The following SAMD3 variants were observed in gnomAD, a reference collection of about 807,000 sequenced individuals.
SAMD3 encodes the protein sterile alpha motif domain-containing protein 3.
Under a neutral mutation model 58.5 loss-of-function variants are expected in SAMD3, and 63 were observed. The ratio of observed to expected loss-of-function variants is 1.08; its 90% CI spans 0.88 to 1.33. The LOEUF (loss-of-function observed/expected upper bound fraction) is 1.33, where lower values mean the gene tolerates loss of function less well. Among genes scored for constraint, SAMD3 ranks in the 40% most tolerant of loss-of-function variants. The pLI is 0.00. For synonymous variants in SAMD3, 220 were observed against 210.3 expected (o/e 1.05, Z -0.40); for missense variants, 604 against 608.4 (o/e 0.99, Z 0.08).
At chr6:130,334,041 G>C (rs1413653800) in intron 1 of SAMD3, among the ~76,000 whole-genome samples, 1 of 152,128 alleles carries the variant, frequency 6.6e-6, no homozygotes, top group Non-Finnish European at 1.5e-5. Context: ...TCCTCCCTCT[G>C]TTGACCTCAA....
At chr6:130,296,542 T>G (rs1775576174) in intron 2 of SAMD3, among the ~76,000 whole-genome samples, 1 of 152,156 alleles carries the variant, frequency 6.6e-6, no homozygotes, top group South Asian at 2.1e-4. Context: ...GGATGCAACT[T>G]CCCACCGGGG....
chr6:130,340,897 T>G (rs1273829160), intron 1 of SAMD3, among the ~76,000 whole-genome samples: 7 of 150,990 alleles, frequency 4.6e-5, no homozygotes, highest in Admixed American at 4.6e-4. Context: ...TTTTGTTTAT[T>G]TATTTGTTTG....
chr6:130,357,571 G>A (rs1777872608), intron 1 of SAMD3, among the ~76,000 whole-genome samples: 1 of 152,152 alleles, frequency 6.6e-6, no homozygotes, highest in Non-Finnish European at 1.5e-5. Flanking sequence ...CCCATTAAGA[G>A]AGTATTTTTG....
intron 2 of SAMD3, among the ~76,000 whole-genome samples, chr6:130,265,571 T>C (rs1178654900): frequency 6.6e-6 from 1 of 152,186 alleles, no homozygotes; most frequent in Admixed American, 6.5e-5. Context: ...TTTACAGTTA[T>C]TATAAGTGTA....
At chr6:130,345,197 C>T (rs954346257) in intron 1 of SAMD3, among the ~76,000 whole-genome samples, 1 of 152,066 alleles carries the variant, frequency 6.6e-6, no homozygotes, top group Non-Finnish European at 1.5e-5. Context: ...AAGAAGCCTG[C>T]GTAAGCAGGA....
chr6:130,262,662 A>T (rs62431225), intron 2 of SAMD3, among the ~76,000 whole-genome samples: 18,315 of 152,112 alleles, frequency 0.12, 1,524 homozygotes, highest in East Asian at 0.36. Context: ...TCCTAAATGT[A>T]AAACTATTAA....
At chr6:130,203,545 C>T (rs1394739482) in intron 5 of SAMD3, among the ~76,000 whole-genome samples, 1 of 152,184 alleles carries the variant, frequency 6.6e-6, no homozygotes, top group Non-Finnish European at 1.5e-5. Flanking sequence ...CAATGGATCT[C>T]AAGACATTGC....
chr6:130,157,366 T>C (rs1554252903), intron 8 of SAMD3, among the ~76,000 whole-genome samples: 1 of 150,722 alleles, frequency 6.6e-6, no homozygotes, highest in Non-Finnish European at 1.5e-5. Context: ...TGAGACAAGG[T>C]CTCACTCTGT....
intron 5 of SAMD3, among the ~76,000 whole-genome samples, chr6:130,198,692 TA>T (rs918445419): frequency 6.6e-6 from 1 of 152,128 alleles, no homozygotes; most frequent in African/African-American, 2.4e-5. Context: ...TGGGGAACAC[TA>T]GAGAGGCAGA....
intron 9 of SAMD3, 119 bp downstream of exon 9, chr6:130,154,695 GAAAAAAAAAAA>G (rs145408019): frequency 1.9e-3 from 211 of 108,666 alleles, no homozygotes; most frequent in East Asian, 7.2e-3. Context: ...GACTCTGTCT[GAAAAAAAAAAA>G]AAAAAAAAAA....
intron 8 of SAMD3, among the ~76,000 whole-genome samples, chr6:130,162,735 T>C (rs1315457984): frequency 6.6e-6 from 1 of 152,202 alleles, no homozygotes; most frequent in Admixed American, 6.6e-5. Context: ...CTGTAGCTTC[T>C]GAACATCACC....
chr6:130,213,005 G>A (rs11154534), intron 4 of SAMD3, among the ~76,000 whole-genome samples: 45,440 of 152,108 alleles, frequency 0.3, 7,428 homozygotes, highest in East Asian at 0.55. Flanking sequence ...GTTAGGGGCC[G>A]GGCAAAGCAG....
At chr6:130,329,043 C>CCTCTCTCTCT (rs10679349) in intron 1 of SAMD3, among the ~76,000 whole-genome samples, 1 of 146,994 alleles carries the variant, frequency 6.8e-6, no homozygotes, top group African/African-American at 2.5e-5. Flanking sequence ...TCTCTCTCTC[C>CCTCTCTCTCT]CTCTCTCTCT....
intron 9 of SAMD3, among the ~76,000 whole-genome samples, chr6:130,150,873 G>A (rs1182405947): frequency 4.0e-5 from 6 of 151,866 alleles, no homozygotes; most frequent in African/African-American, 1.2e-4. Context: ...CACCACACCC[G>A]GCTAATTTTT....
intron 2 of SAMD3, among the ~76,000 whole-genome samples, chr6:130,311,337 G>A (rs1776151589): frequency 6.6e-6 from 1 of 152,172 alleles, no homozygotes; most frequent in Non-Finnish European, 1.5e-5. Flanking sequence ...ATAGGGGCTT[G>A]GAGAAGTTAT....
chr6:130,214,501 A>C lies in SAMD3; in HGVS notation c.105T>G (p.Leu35=), dbSNP rs147409103. ...FQEEEVSGAA[L]LALNDRMVQQ... is the part of the protein sequence containing the mutation. ...GAACCATCCGATCATTAAGTGCAAG[A>C]AGAGCGGCCCCACTTACTTCTTCCT... The change falls in exon 4 of 12, where the codon CTT becomes CTG. Residue 35 remains leucine, a synonymous_variant. Transcript: ENST00000439090. 3.2e-4 allele frequency: 518 copies of C among 1,605,308 alleles called. 3 individuals are homozygous for C. In the African/African-American group the frequency reaches 5.4e-3, roughly 17 times the overall value.
intron 1 of SAMD3, among the ~76,000 whole-genome samples, chr6:130,218,627 G>T (rs1340576218): frequency 6.6e-6 from 1 of 152,204 alleles, no homozygotes; most frequent in Admixed American, 6.5e-5. Context: ...AAGATACATA[G>T]ATAAGCAGAA....
chr6:130,361,962 TG>T (rs1236100750), intron 1 of SAMD3, among the ~76,000 whole-genome samples: 3 of 152,230 alleles, frequency 2.0e-5, no homozygotes, highest in Non-Finnish European at 4.4e-5. Context: ...TGGCAGTTTA[TG>T]GATGAGGGCA....
Position 130,320,077 on chromosome 6 carries a change from T to G in SAMD3, c.-303-6984A>C, listed in dbSNP as rs888165009. Reference sequence around the variant, plus strand: ...AAATGGAATAATACAAACTATTCAATCCATCCAAAAGAAGGCAGTAAAAGG... The same window carrying G: ...AAATGGAATAATACAAACTATTCAAGCCATCCAAAAGAAGGCAGTAAAAGG... On this transcript the variant is annotated intron_variant, in intron 1 of 13. Coordinates refer to the SAMD3 transcript ENST00000368134. Among the ~76,000 whole-genome samples, 6 of 151,680 alleles carry G rather than the reference T, an allele frequency of 4.0e-5. No homozygotes were observed. In the East Asian group the frequency reaches 1.2e-3, roughly 29 times the overall value.
Sources: allele counts gnomAD v4.1 joint callset (sites outside exome capture counted in the v4.1 genomes callset), GRCh38; gene constraint gnomAD v4.1.1; transcripts MANE v1.5; gene names NCBI Gene and HGNC (gene_info 2026-07-23, HGNC 2026-07-21).